The following RELN variants were observed in gnomAD, a reference collection of about 807,000 sequenced individuals.
RELN encodes reelin.
A neutral mutation model predicts 427.6 loss-of-function variants in RELN; 108 were observed. The ratio of observed to expected loss-of-function variants is 0.25; its 90% CI spans 0.22 to 0.30. The LOEUF is 0.30. Among genes scored for constraint, RELN ranks in the 10% least tolerant of loss-of-function variants. The probability of loss-of-function intolerance (pLI) is 1.00; values close to 1 mark genes in which losing one functional copy is unlikely to be tolerated. For synonymous variants in RELN, 1,524 were observed against 1,513.4 expected, an observed-to-expected ratio of 1.01 and a Z score of -0.16; for missense variants, 3,715 against 4,302.8, an observed-to-expected ratio of 0.86 and a Z score of 3.82.
At chr7:103,604,541 C>T in intron 22 of RELN, 58 bp from the exon 23 acceptor site, 3 of 1,572,806 alleles carry the variant, frequency 1.9e-6, no homozygotes, top group Non-Finnish European at 2.6e-6. Flanking sequence ...GTGACATTGG[C>T]AAAGAATGTC....
chr7:103,581,993 G>A (rs1181723454), intron 28 of RELN, among the ~76,000 whole-genome samples: 1 of 152,168 alleles, frequency 6.6e-6, no homozygotes, highest in Non-Finnish European at 1.5e-5. Context: ...TTGGAGAAGT[G>A]TGTTGCATAG....
At position 103,593,869 on chromosome 7, in the gene RELN, T is replaced by G. The variant is rs1357029452; in HGVS notation, c.3725A>C (p.Lys1242Thr). The change falls in exon 27 of 65, where the codon AAG becomes ACG. Residue 1242 changes from lysine to threonine, a missense_variant. By Grantham distance (78) the Lys-to-Thr change is moderately conservative. Around this residue, in one of 4 missense-constraint regions of RELN, gnomAD observed 2,208 missense variants for 2,361.7 expected, o/e 0.93. Transcript: ENST00000428762. ...NPTLPQNFYE[K>T]PAFDYPMNQM... ...ATTCATAGGGTAATCAAAAGCTGGC[T>G]TCTCATAAAAGTTCTAATAGAAACA... The G allele has an allele frequency of 6.2e-7, 1 of 1,613,226 alleles. No homozygotes were observed. Among genetic ancestry groups the G allele is most frequent in the African/African-American group, 1.3e-5 (1 of 74,916 alleles).
intron 1 of RELN, among the ~76,000 whole-genome samples, chr7:103,930,800 A>G (rs1490032151): frequency 2.0e-5 from 3 of 150,956 alleles, no homozygotes; most frequent in Non-Finnish European, 2.9e-5. Context: ...GCTTTTCTTC[A>G]TGCTTCATTT....
chr7:103,473,277 A>G (rs533587791), intron 64 of RELN, among the ~76,000 whole-genome samples: 24 of 152,308 alleles, frequency 1.6e-4, no homozygotes, highest in African/African-American at 5.3e-4. Context: ...CTCTATACCC[A>G]TTGCCTTATT....
chr7:103,498,003 C>A, intron 54 of RELN, 74 bp downstream of exon 54: 1 of 1,598,500 alleles, frequency 6.3e-7, no homozygotes, highest in African/African-American at 1.3e-5. Flanking sequence ...ATAATTTCTT[C>A]CATACAAGTG....
intron 4 of RELN, among the ~76,000 whole-genome samples, chr7:103,763,354 C>G (rs571701891): frequency 6.6e-6 from 1 of 152,220 alleles, no homozygotes; most frequent in African/African-American, 2.4e-5. Flanking sequence ...TATTTGAGTG[C>G]CTGCTAAGTG....
At chr7:103,800,505 G>A (rs950163182) in intron 3 of RELN, among the ~76,000 whole-genome samples, 1 of 152,180 alleles carries the variant, frequency 6.6e-6, no homozygotes, top group African/African-American at 2.4e-5. Flanking sequence ...AATAAATGGT[G>A]CTGGGAAAAC....
intron 64 of RELN, among the ~76,000 whole-genome samples, chr7:103,477,203 C>A (rs188098501): frequency 6.6e-6 from 1 of 152,258 alleles, no homozygotes; most frequent in East Asian, 1.9e-4. Flanking sequence ...GAAATATGGC[C>A]ATTGCAAGAT....
chr7:103,703,077 A>G (rs750520262), intron 8 of RELN, among the ~76,000 whole-genome samples: 38 of 152,258 alleles, frequency 2.5e-4, no homozygotes, highest in Non-Finnish European at 4.7e-4. Flanking sequence ...CTGGAAGACC[A>G]TGATTGGAGC....
At chr7:103,508,018 T>C (rs748969618) in intron 51 of RELN, among the ~76,000 whole-genome samples, 1 of 151,996 alleles carries the variant, frequency 6.6e-6, no homozygotes, top group Admixed American at 6.6e-5. Context: ...CCAATAACAA[T>C]TTCTGAAATT....
intron 2 of RELN, among the ~76,000 whole-genome samples, chr7:103,869,373 G>T (rs986411937): frequency 9.9e-5 from 15 of 151,598 alleles, no homozygotes; most frequent in Non-Finnish European, 1.8e-4. Flanking sequence ...ACTTCATATA[G>T]ATCTAGAATT....
intron 4 of RELN, among the ~76,000 whole-genome samples, chr7:103,771,976 T>G (rs373465332): frequency 3.3e-5 from 5 of 152,308 alleles, no homozygotes; most frequent in African/African-American, 1.2e-4. Flanking sequence ...ATCACTCTCC[T>G]GCTTCCTTCC....
In RELN at chr7:103,635,544, C is replaced by T. The variant is rs1832561428; in HGVS notation, c.2346G>A (p.Leu782=). 2 of 1,613,982 alleles carry T rather than the reference C, an allele frequency of 1.2e-6. No individual in the cohort carries two copies. Among genetic ancestry groups the T allele is most frequent in the African/African-American group, 1.3e-5 (1 of 75,034 alleles). Residue 782 remains leucine (L), a synonymous_variant, in exon 19 of 65, where the codon CTG becomes CTA. Coordinates refer to ENST00000428762, the MANE Select transcript of RELN (RefSeq NM_005045.4). ...FTLRLGSKSV[L]STCRAPDQPG... is the part of the protein sequence containing the mutation. ...GCTGATCAGGGGCTCTGCACGTGCT[C>T]AGAACAGATTTGCTCCCCAGTCTCA...
At chr7:103,486,450 G>T (rs372350878) in intron 60 of RELN, 34 bp from the exon 61 acceptor site, 279 of 1,489,520 alleles carry the variant, frequency 1.9e-4, no homozygotes, top group Non-Finnish European at 2.4e-4. Flanking sequence ...GAAATTAAGT[G>T]GACCAACCAG....
Position 103,566,247 on chromosome 7 carries a change from G to A in RELN, c.4913C>T (p.Ala1638Val). 6.2e-7 allele frequency: 1 copy of A among 1,613,448 alleles called. No individual in the cohort carries two copies. The highest frequency in any genetic ancestry group is 8.5e-7 in the Non-Finnish European group (1 of 1,179,480). Reference protein sequence around the residue: ...VDIDCLSMDTALIFTENIGKP... With the variant: ...VDIDCLSMDTVLIFTENIGKP... ...ACCTATGTTTTCAGTGAATATCAGA[G>A]CAGTATCCATAGAGAGACAGTCAAT... is the stretch of plus-strand genomic sequence containing the variant. The change falls in exon 33 of 65, where the codon GCT (alanine) becomes GTT (valine). Residue 1638 changes from alanine (A) to valine (V), a missense_variant. This residue lies in a region of RELN where 2,208 missense variants were observed against 2,361.7 expected (regional missense o/e 0.93). Transcript: ENST00000428762.
intron 19 of RELN, among the ~76,000 whole-genome samples, chr7:103,631,478 G>A (rs984243870): frequency 6.6e-6 from 1 of 151,764 alleles, no homozygotes; most frequent in Non-Finnish European, 1.5e-5. Context: ...ATTTTTAGTA[G>A]AGACAGGGTT....
rs1797180657 is a variant in RELN, at chr7:103,989,466, A to T, written c.-110T>A. On this transcript the variant is annotated 5_prime_UTR_variant, in exon 1 of 65. Transcript: ENST00000428762. This position sits in a 1 kb window ranked among gnomAD's most constrained non-coding sequence, Gnocchi z 4.9. ...CGGAGAGAAGGCGAGAAGAAGGCGG[A>T]CGGGAGCGGAACGGGCTCGGGAGCG... 2 of 976,644 alleles carry T rather than the reference A, an allele frequency of 2.0e-6. No homozygotes were observed. The highest frequency in any genetic ancestry group is 2.8e-6 in the Non-Finnish European group (2 of 725,862). 60.5% of individuals were successfully genotyped at this position (976,644 alleles called of 1,614,324 possible). A position where few individuals can be genotyped will look rare whatever the true frequency, so the allele number is the denominator to read the frequency against.
rs149350250 is a variant in RELN, at chr7:103,980,394, A to G, written c.226+8737T>C. 2.9e-3 allele frequency among the ~76,000 whole-genome samples: 446 copies of G among 152,252 alleles called. 15 individuals are homozygous for G. In the East Asian group the frequency reaches 0.069, roughly 24 times the overall value. ...GTACGAAATTCCAGCTTTGTTTAGC[A>G]TAGATATCAGCTTTCTGGTTTGATT... is the stretch of plus-strand genomic sequence containing the variant. On this transcript the variant is annotated intron_variant, in intron 1 of 64. Coordinates refer to ENST00000428762, the MANE Select transcript of RELN (RefSeq NM_005045.4).
At chr7:103,873,164 A>G (rs1794392722) in intron 2 of RELN, among the ~76,000 whole-genome samples, 1 of 150,568 alleles carries the variant, frequency 6.6e-6, no homozygotes. Context: ...CAACGAGAAC[A>G]AAGACACAAC....
Sources: gnomAD v4.1 joint callset for allele counts (sites outside exome capture counted in the v4.1 genomes callset) on GRCh38, gnomAD v4.1.1 for gene constraint, gnomAD v4.1.1 regional missense constraint, Gnocchi (gnomAD v3.1) non-coding constraint, MANE v1.5 for transcripts, NCBI Gene and HGNC (gene_info 2026-07-23, HGNC 2026-07-21) for gene names.